HIBADH: variants seen among roughly 807,000 people sequenced by gnomAD.
HIBADH encodes the protein 3-hydroxyisobutyrate dehydrogenase.
Under a neutral mutation model 36.1 loss-of-function variants are expected in HIBADH, and 25 were observed. The observed-to-expected ratio is 0.69, with a 90% CI of 0.50 to 0.97. HIBADH has a LOEUF of 0.97. Among genes scored for constraint, HIBADH ranks in the 50% least tolerant of loss-of-function variants. The pLI is 0.00. For missense variants in HIBADH, 421 were observed against 418.0 expected (o/e 1.01, Z -0.06); for synonymous variants, 160 against 149.5 (o/e 1.07, Z -0.51).
At chr7:27,595,581 T>TAG (rs1785020149) in intron 4 of HIBADH, among the ~76,000 whole-genome samples, 1 of 10,160 alleles carries the variant, frequency 9.8e-5, no homozygotes, top group South Asian at 2.0e-3. Flanking sequence ...TAAGGGCAGG[T>TAG]GTGTGTGTGT....
In HIBADH at chr7:27,529,564, G is replaced by T. The variant is rs534226777; in HGVS notation, c.852+1628C>A. 3.3e-5 allele frequency among the ~76,000 whole-genome samples: 5 copies of T among 152,324 alleles called. No individual in the cohort carries two copies. The South Asian group carries it at 8.3e-4, about 25-fold the overall frequency. ...AATTAGAAGTGGAGCCTGCAGATGT[G>T]ACTGAATTACTACAATCTTGTGCTA... On this transcript the variant is annotated intron_variant, in intron 7 of 7. Coordinates refer to ENST00000265395, the MANE Select transcript of HIBADH (RefSeq NM_152740.4).
At chr7:27,581,875 G>C (rs1023361958) in intron 4 of HIBADH, among the ~76,000 whole-genome samples, 22 of 151,698 alleles carry the variant, frequency 1.5e-4, no homozygotes, top group African/African-American at 4.8e-4. Context: ...AATGGATTTA[G>C]CTTCTTGTGT....
At chr7:27,545,371 G>T (rs574615137) in intron 4 of HIBADH, among the ~76,000 whole-genome samples, 2 of 152,320 alleles carry the variant, frequency 1.3e-5, no homozygotes, top group African/African-American at 4.8e-5. Context: ...CCAGAAGGTG[G>T]AGGCTGCAGT....
intron 4 of HIBADH, among the ~76,000 whole-genome samples, chr7:27,603,661 A>G (rs1233912194): frequency 6.6e-6 from 1 of 152,196 alleles, no homozygotes; most frequent in Non-Finnish European, 1.5e-5. Flanking sequence ...AGAATTAAAT[A>G]TAACATCTTT....
intron 4 of HIBADH, among the ~76,000 whole-genome samples, chr7:27,622,391 TCATAA>T (rs1274829790): frequency 6.6e-6 from 1 of 151,652 alleles, no homozygotes; most frequent in Non-Finnish European, 1.5e-5. Flanking sequence ...TGCCCAAAGA[TCATAA>T]CATAACATAA....
intron 4 of HIBADH, among the ~76,000 whole-genome samples, chr7:27,615,550 T>C (rs1427745522): frequency 2.0e-5 from 3 of 152,146 alleles, no homozygotes; most frequent in Non-Finnish European, 4.4e-5. Context: ...ACTGGTCCCA[T>C]GAGATCATCA....
intron 4 of HIBADH, among the ~76,000 whole-genome samples, chr7:27,580,199 C>T (rs544564079): frequency 6.6e-6 from 1 of 152,104 alleles, no homozygotes; most frequent in Non-Finnish European, 1.5e-5. Context: ...TTTCTCAATA[C>T]AAGAATCATG....
intron 2 of HIBADH, among the ~76,000 whole-genome samples, chr7:27,645,368 A>ATGTTTTT (rs1554300959): frequency 0.051 from 3,036 of 59,592 alleles, 881 homozygotes; most frequent in African/African-American, 0.1. Flanking sequence ...CATGGTTTTG[A>ATGTTTTT]TTTTTTTTTT....
rs145769029 is a variant in HIBADH at position 27,527,616 on chromosome 7, T to C, written c.853-1244A>G. ...ATTGAAGGTTTGTGGCAATCCTGCA[T>C]TGAGCAAGTCTATCAGCACTGTTTT... On this transcript the variant is annotated intron_variant, in intron 7 of 7. Transcript: ENST00000265395. Among the ~76,000 whole-genome samples the C allele has an allele frequency of 2.6e-5, 4 of 152,322 alleles. No homozygotes were observed. The East Asian group carries it at 7.7e-4, about 29-fold the overall frequency.
chr7:27,644,794 G>A (rs189001825), intron 2 of HIBADH, among the ~76,000 whole-genome samples: 202 of 151,060 alleles, frequency 1.3e-3, no homozygotes, highest in African/African-American at 4.7e-3. Flanking sequence ...AATCTTATAC[G>A]CATTAGCTAT....
At chr7:27,612,576 G>C (rs1785339809) in intron 4 of HIBADH, among the ~76,000 whole-genome samples, 1 of 151,670 alleles carries the variant, frequency 6.6e-6, no homozygotes, top group Admixed American at 6.6e-5. Context: ...TGCTGCCTCG[G>C]CCTCCCAAAG....
intron 4 of HIBADH, among the ~76,000 whole-genome samples, chr7:27,573,163 C>G (rs936555288): frequency 4.6e-5 from 7 of 152,168 alleles, no homozygotes; most frequent in Admixed American, 3.9e-4. Flanking sequence ...ACAAACAAAA[C>G]TCCAGATACA....
intron 1 of HIBADH, among the ~76,000 whole-genome samples, chr7:27,658,499 G>C (rs1422511307): frequency 1.3e-5 from 2 of 152,110 alleles, no homozygotes; most frequent in Non-Finnish European, 2.9e-5. Context: ...TCCGTATCTT[G>C]ATAACCTTAA....
At chr7:27,662,655 C>A (rs1187372904) in intron 1 of HIBADH, 43 bp downstream of exon 1, 13 of 1,183,344 alleles carry the variant, frequency 1.1e-5, no homozygotes, top group Non-Finnish European at 2.2e-6. Flanking sequence ...AAGAAGCGAG[C>A]GGCCGAAAGA....
At chr7:27,608,676 T>G (rs189378551) in intron 4 of HIBADH, among the ~76,000 whole-genome samples, 28 of 152,290 alleles carry the variant, frequency 1.8e-4, no homozygotes, top group Admixed American at 1.4e-3. Context: ...ATACTGGAAC[T>G]AGTTTCACAT....
In HIBADH at chr7:27,612,510, G is replaced by C. The variant is rs111428089; in HGVS notation, c.484+16861C>G. 4.8e-3 allele frequency among the ~76,000 whole-genome samples: 725 copies of C among 151,848 alleles called. 6 individuals are homozygous for C. The highest frequency in any genetic ancestry group is 0.017 in the African/African-American group (698 of 41,450). On this transcript the variant is annotated intron_variant, in intron 4 of 7. Transcript: ENST00000265395. ...CAGATACTTTTTATTTTTTAGTAGA[G>C]ACGGGGTTTCACCATGTTGGCCAGG...
intron 4 of HIBADH, among the ~76,000 whole-genome samples, chr7:27,613,049 TATATA>T (rs200637153): frequency 0.11 from 14,113 of 133,348 alleles, 908 homozygotes; most frequent in Middle Eastern, 0.16. Flanking sequence ...TATATAAATA[TATATA>T]ATATAATTTA....
Position 27,662,842 on chromosome 7 carries a change from C to T in HIBADH, c.-54G>A. On this transcript the variant is annotated 5_prime_UTR_variant, in exon 1 of 8. In the 5' UTR this introduces an upstream ATG that the reference lacks. Transcript: ENST00000265395. ...CCTCCGCCGCCTCCCGGAGGGCCCA[C>T]AGACTGCGAGCGTGTGCAGCGGGAC... 1 of 1,355,962 alleles carries T rather than the reference C, an allele frequency of 7.4e-7. No individual in the cohort carries two copies. The highest frequency in any genetic ancestry group is 2.9e-5 in the Admixed American group (1 of 35,058). 84.0% of individuals were successfully genotyped at this position (1,355,962 alleles called of 1,614,324 possible).
At chr7:27,539,846 G>C (rs1784121954) in intron 5 of HIBADH, among the ~76,000 whole-genome samples, 1 of 152,102 alleles carries the variant, frequency 6.6e-6, no homozygotes, top group Non-Finnish European at 1.5e-5. Context: ...TTATGGTAAA[G>C]CAAGCTAGAG....
Sources: gnomAD v4.1 joint callset for allele counts (sites outside exome capture counted in the v4.1 genomes callset) on GRCh38, gnomAD v4.1.1 for gene constraint, MANE v1.5 for transcripts, NCBI Gene and HGNC (gene_info 2026-07-23, HGNC 2026-07-21) for gene names.